Variants in NKAIN2 observed in about 807,000 individuals in gnomAD.
The protein encoded by NKAIN2 is sodium/potassium transporting ATPase interacting 2, also known as sodium/potassium-transporting ATPase subunit beta-1-interacting protein 2.
NKAIN2 carries 14 observed loss-of-function variants against 32.6 expected under a neutral mutation model. That is an observed-to-expected ratio of 0.43 (90% confidence interval 0.28 to 0.67). The LOEUF is 0.67. NKAIN2 is among the 30% of genes least tolerant of loss of function. NKAIN2 has a pLI of 0.17. For synonymous variants in NKAIN2, 80 were observed against 87.2 expected (o/e 0.92, Z 0.46); for missense variants, 198 against 258.3 (o/e 0.77, Z 1.60).
intron 3 of NKAIN2, among the ~76,000 whole-genome samples, chr6:124,384,040 C>A (rs181382697): frequency 2.6e-5 from 4 of 152,124 alleles, no homozygotes; most frequent in Non-Finnish European, 4.4e-5. Context: ...TGTAAGTATT[C>A]AATAAACATT....
At chr6:124,086,212 C>A (rs556609743) in intron 1 of NKAIN2, among the ~76,000 whole-genome samples, 2 of 152,002 alleles carry the variant, frequency 1.3e-5, no homozygotes, top group African/African-American at 4.8e-5. Flanking sequence ...CTCATATAAA[C>A]CTTTTATAAT....
At chr6:124,119,652 A>T (rs1396762364) in intron 1 of NKAIN2, among the ~76,000 whole-genome samples, 1 of 152,220 alleles carries the variant, frequency 6.6e-6, no homozygotes, top group East Asian at 1.9e-4. Context: ...ATGAGAAAAA[A>T]AATGGTAACT....
chr6:124,243,399 G>C (rs1793215928), intron 1 of NKAIN2, among the ~76,000 whole-genome samples: 1 of 151,978 alleles, frequency 6.6e-6, no homozygotes, highest in African/African-American at 2.4e-5. Context: ...GCAGGCTGAG[G>C]TAAGAGAATA....
chr6:124,644,594 C>T (rs577869540), intron 3 of NKAIN2, among the ~76,000 whole-genome samples: 15 of 152,082 alleles, frequency 9.9e-5, no homozygotes, highest in East Asian at 5.8e-4. Context: ...TTAGTAGAGA[C>T]GGGGTTTCAC....
chr6:124,142,186 G>C (rs1562382074), intron 1 of NKAIN2, among the ~76,000 whole-genome samples: 2 of 152,078 alleles, frequency 1.3e-5, no homozygotes, highest in Non-Finnish European at 2.9e-5. Context: ...TCCACTAGCA[G>C]AAATCATCTT....
At chr6:123,870,558 C>T (rs115825547) in intron 1 of NKAIN2, among the ~76,000 whole-genome samples, 1,942 of 152,116 alleles carry the variant, frequency 0.013, 39 homozygotes, top group African/African-American at 0.045. Context: ...TCCTAATGCC[C>T]GCCTCAAAGG....
intron 3 of NKAIN2, among the ~76,000 whole-genome samples, chr6:124,650,975 A>G (rs1784347661): frequency 2.6e-5 from 4 of 152,198 alleles, no homozygotes; most frequent in Admixed American, 2.6e-4. Flanking sequence ...ATGAAATCAA[A>G]ACAAGTTATC....
intron 4 of NKAIN2, among the ~76,000 whole-genome samples, chr6:124,690,127 CAG>C (rs1025637018): frequency 1.3e-5 from 2 of 152,032 alleles, no homozygotes; most frequent in African/African-American, 2.4e-5. Flanking sequence ...GACATTTTAA[CAG>C]AGTTTTGTAA....
intron 5 of NKAIN2, among the ~76,000 whole-genome samples, chr6:124,815,947 G>T (rs1278495598): frequency 1.3e-5 from 2 of 152,078 alleles, no homozygotes; most frequent in Middle Eastern, 3.2e-3. Flanking sequence ...TATTTTAAGA[G>T]ATGTTAAGTT....
chr6:124,041,286 A>G (rs1781862097), intron 1 of NKAIN2, among the ~76,000 whole-genome samples: 1 of 152,022 alleles, frequency 6.6e-6, no homozygotes, highest in Non-Finnish European at 1.5e-5. Context: ...ATCTCATACA[A>G]TTGTGAGGAC....
At chr6:124,023,696 G>C (rs779318153) in intron 1 of NKAIN2, among the ~76,000 whole-genome samples, 2 of 151,970 alleles carry the variant, frequency 1.3e-5, no homozygotes, top group African/African-American at 2.4e-5. Context: ...TGATTTTCTC[G>C]TTACCTGTGC....
intron 1 of NKAIN2, among the ~76,000 whole-genome samples, chr6:124,258,186 G>T (rs1052708943): frequency 1.3e-5 from 2 of 151,950 alleles, no homozygotes; most frequent in African/African-American, 4.8e-5. Flanking sequence ...AATTAAATTG[G>T]TCAGATTCAC....
chr6:124,235,270 A>G (rs1445206058), intron 1 of NKAIN2, among the ~76,000 whole-genome samples: 3 of 152,162 alleles, frequency 2.0e-5, no homozygotes, highest in Non-Finnish European at 4.4e-5. Context: ...CCCCTTTTCT[A>G]TGGAAAACAT....
chr6:124,523,616 A>T (rs916512789), intron 3 of NKAIN2, among the ~76,000 whole-genome samples: 1 of 152,186 alleles, frequency 6.6e-6, no homozygotes, highest in African/African-American at 2.4e-5. Context: ...AAACTTTAAT[A>T]AAACTTTATC....
intron 1 of NKAIN2, among the ~76,000 whole-genome samples, chr6:124,021,032 A>G (rs1780837468): frequency 1.3e-5 from 2 of 152,242 alleles, no homozygotes; most frequent in South Asian, 2.1e-4. Context: ...TTACTCTCAC[A>G]AATATTTACT....
At chr6:124,758,959 T>G (rs1407379526) in intron 4 of NKAIN2, among the ~76,000 whole-genome samples, 1 of 152,208 alleles carries the variant, frequency 6.6e-6, no homozygotes, top group Non-Finnish European at 1.5e-5. Context: ...AGCCTATCCT[T>G]CAGAATTATT....
rs558199562 is a variant in NKAIN2, at chr6:124,453,981, T to A, written c.273+98634T>A. Among the ~76,000 whole-genome samples the A allele has an allele frequency of 4.6e-5, 7 of 152,106 alleles. No homozygotes were observed. In the South Asian group the frequency reaches 8.3e-4, roughly 18 times the overall value. On this transcript the variant is annotated intron_variant, in intron 3 of 6. Coordinates refer to ENST00000368417, the MANE Select transcript of NKAIN2 (RefSeq NM_001040214.3). The stretch of plus-strand genomic sequence containing the variant: ...TAACTTTAAAGCCAGAAAATCCTGA[T>A]CAAAGTTATTCAGTAAATATGTTAT...
chr6:124,504,701 C>T (rs1353241575), intron 3 of NKAIN2, among the ~76,000 whole-genome samples: 1 of 152,144 alleles, frequency 6.6e-6, no homozygotes, highest in African/African-American at 2.4e-5. Flanking sequence ...TTGAACACAG[C>T]AAGAGTAAGC....
intron 2 of NKAIN2, among the ~76,000 whole-genome samples, chr6:124,314,782 G>A (rs1796873407): frequency 6.6e-6 from 1 of 152,142 alleles, no homozygotes. Flanking sequence ...AGCTGGGGTG[G>A]TGCCTCTGCC....
Sources: gnomAD v4.1 joint callset for allele counts (sites outside exome capture counted in the v4.1 genomes callset) on GRCh38, gnomAD v4.1.1 for gene constraint, MANE v1.5 for transcripts, NCBI Gene and HGNC (gene_info 2026-07-23, HGNC 2026-07-21) for gene names.